CKAP5: variants seen among roughly 807,000 people sequenced by gnomAD.
The protein encoded by CKAP5 is cytoskeleton-associated protein 5.
A neutral mutation model predicts 232.8 loss-of-function variants in CKAP5; 27 were observed. The observed-to-expected ratio is 0.12, with a 90% confidence interval of 0.09 to 0.16. The LOEUF is 0.16. Among genes scored for constraint, CKAP5 ranks in the 10% least tolerant of loss-of-function variants. The probability of loss-of-function intolerance (pLI) is 1.00; values close to 1 mark genes in which losing one functional copy is unlikely to be tolerated. For missense variants in CKAP5, 1,838 were observed against 2,424.7 expected (o/e 0.76, Z 5.08); for synonymous variants, 785 against 841.1 (o/e 0.93, Z 1.16).
rs140135081 is a variant in CKAP5 at position 46,759,189 on chromosome 11, C to T, written c.4568+80G>A. The stretch of plus-strand genomic sequence containing the variant: ...AATCAGTTCTAAAAAGTTTTAACTG[C>T]ACATTACAAAGGGCACATTTCACGT... On this transcript the variant is annotated intron_variant, in intron 34 of 43. Transcript: ENST00000529230. 4.6e-3 allele frequency: 6,996 copies of T among 1,520,878 alleles called. 23 individuals are homozygous for T. The highest frequency in any genetic ancestry group is 5.5e-3 in the Non-Finnish European group (6,202 of 1,120,638). 94.2% of individuals were successfully genotyped at this position (1,520,878 alleles called of 1,614,324 possible).
At position 46,778,230 on chromosome 11, in the gene CKAP5, C is replaced by G. The variant is rs141712160; in HGVS notation, c.2657G>C (p.Gly886Ala). Reference protein sequence around the residue: ...IRKEGLDEVAGIINDAKFIQP... With the variant: ...IRKEGLDEVAAIINDAKFIQP... ...GATAAATTTTGCGTCATTAATAATACCTGCCACTTCATCTAGGCCTTCTTT... is the reference window on the plus strand; with the variant it reads ...GATAAATTTTGCGTCATTAATAATAGCTGCCACTTCATCTAGGCCTTCTTT... Residue 886 changes from glycine to alanine, a missense_variant, in exon 22 of 44, where the codon GGT (glycine) becomes GCT (alanine). This residue lies in a region of CKAP5 where 767 missense variants were observed against 954.6 expected (regional missense o/e 0.80). Transcript: ENST00000529230. The G allele has an allele frequency of 1.4e-4, 224 of 1,613,672 alleles. No homozygotes were observed. The highest frequency in any genetic ancestry group is 1.8e-4 in the Non-Finnish European group (218 of 1,179,760).
intron 1 of CKAP5, among the ~76,000 whole-genome samples, chr11:46,824,918 AAAGAC>A (rs2134697159): frequency 6.6e-6 from 1 of 152,332 alleles, no homozygotes; most frequent in African/African-American, 2.4e-5. Flanking sequence ...AGTCCCTAGT[AAAGAC>A]ACATATTCAG....
intron 1 of CKAP5, among the ~76,000 whole-genome samples, chr11:46,826,434 G>A (rs948872305): frequency 6.6e-6 from 1 of 152,114 alleles, no homozygotes; most frequent in African/African-American, 2.4e-5. Flanking sequence ...AAGGCCCAGA[G>A]AGAGAGATTC....
chr11:46,763,084 C>G lies in CKAP5; in HGVS notation c.3783G>C (p.Leu1261=). 1 of 1,613,556 alleles carries G rather than the reference C, an allele frequency of 6.2e-7. No individual in the cohort carries two copies. Among genetic ancestry groups the G allele is most frequent in the Non-Finnish European group, 8.5e-7 (1 of 1,179,524 alleles). ...LRFFDTNTSV[L]MKALEYLKLL... is the part of the protein sequence containing the mutation. ...ATTTTAAATATTCTAGTGCTTTCAT[C>G]AGGACGCTTGTATTGGTGTCAAAAA... The change falls in exon 30 of 44, where the codon CTG becomes CTC. Residue 1261 remains leucine (L), a synonymous_variant. Transcript: ENST00000529230.
intron 4 of CKAP5, 40 bp from the exon 5 acceptor site, chr11:46,811,218 T>C (rs771777314): frequency 2.0e-6 from 3 of 1,498,354 alleles, no homozygotes; most frequent in East Asian, 2.3e-5. Context: ...CAACGTGCAA[T>C]GCAATTAAAT....
chr11:46,837,611 C>T (rs1009896104), intron 1 of CKAP5, among the ~76,000 whole-genome samples: 3 of 151,976 alleles, frequency 2.0e-5, no homozygotes, highest in Non-Finnish European at 4.4e-5. Flanking sequence ...AAGAAATACA[C>T]AAGATGAGCC....
chr11:46,763,263 T>C (rs1292988661), intron 29 of CKAP5, 84 bp from the exon 30 acceptor site: 4 of 1,203,704 alleles, frequency 3.3e-6, no homozygotes, highest in Admixed American at 2.3e-5. Context: ...TTAAATTTTA[T>C]TGGAGCCCAA....
At chr11:46,764,187 T>A (rs1305371430) in intron 28 of CKAP5, among the ~76,000 whole-genome samples, 2 of 152,160 alleles carry the variant, frequency 1.3e-5, no homozygotes, top group African/African-American at 2.4e-5. Context: ...CATATAACTA[T>A]ATAACATGGT....
Position 46,751,328 on chromosome 11 carries a change from G to A in CKAP5, c.5322+18C>T. 6.2e-7 allele frequency: 1 copy of A among 1,613,942 alleles called. No homozygotes were observed. Among genetic ancestry groups the A allele is most frequent in the Non-Finnish European group, 8.5e-7 (1 of 1,179,844 alleles). On this transcript the variant is annotated intron_variant, in intron 39 of 43. Transcript: ENST00000529230. Reference sequence around the variant, plus strand: ...TTCTCTCAAGCTCCCTCAGAGACCAGTTGCGATTCTTACTCACCTTGGGCC... The same window carrying A: ...TTCTCTCAAGCTCCCTCAGAGACCAATTGCGATTCTTACTCACCTTGGGCC...
At chr11:46,839,163 C>G (rs749770921) in intron 1 of CKAP5, among the ~76,000 whole-genome samples, 35 of 152,180 alleles carry the variant, frequency 2.3e-4, no homozygotes, top group Middle Eastern at 6.8e-3. Context: ...TAAAAGTGAC[C>G]AAGAGGGCTC....
In CKAP5 at chr11:46,758,801, C is replaced by T. The variant is rs180989323; in HGVS notation, c.4689+122G>A. ...AGTGGCACCTGTGCATTTCTTTCCT[C>T]GGGAAAGTATGAAACACTGCCTGCA... On this transcript the variant is annotated intron_variant, in intron 35 of 43. Transcript: ENST00000529230. 3.9e-4 allele frequency: 440 copies of T among 1,120,918 alleles called. 5 individuals carry two copies. The South Asian group carries it at 4.9e-3, about 12-fold the overall frequency. 69.4% of individuals were successfully genotyped at this position (1,120,918 alleles called of 1,614,324 possible).
chr11:46,840,210 T>A (rs1444791633), intron 1 of CKAP5, among the ~76,000 whole-genome samples: 1 of 152,182 alleles, frequency 6.6e-6, no homozygotes. Flanking sequence ...AGTAAAAGTA[T>A]CTGGGCATGT....
chr11:46,791,690 T>C (rs1938727818), intron 13 of CKAP5, among the ~76,000 whole-genome samples: 2 of 151,968 alleles, frequency 1.3e-5, no homozygotes. Context: ...AATAAATTCA[T>C]TCCACTCCAG....
Position 46,769,963 on chromosome 11 carries a change from C to T in CKAP5, c.3322G>A (p.Ala1108Thr). ...SAPAKFQPAS[A>T]PAEDCISSST... is the part of the protein sequence containing the mutation. ...TTTAACCTTCTTAAGATAGAGTTAC[C>T]TGATGCAGGCTGGAATTTGGCTGGA... The change falls in exon 26 of 44, where the codon GCA (alanine) becomes ACA (threonine). Residue 1108 changes from alanine to threonine, a missense_variant and splice_region_variant. Coordinates refer to ENST00000529230, the MANE Select transcript of CKAP5 (RefSeq NM_001008938.4). The T allele has an allele frequency of 1.2e-6, 2 of 1,614,016 alleles. No individual in the cohort carries two copies. Among genetic ancestry groups the T allele is most frequent in the Non-Finnish European group, 1.7e-6 (2 of 1,179,988 alleles).
In CKAP5 at chr11:46,744,095, G is replaced by A; in HGVS notation, c.6027C>T (p.Thr2009=). 6.2e-7 allele frequency: 1 copy of A among 1,613,952 alleles called. No individual in the cohort carries two copies. Among genetic ancestry groups the A allele is most frequent in the Non-Finnish European group, 8.5e-7 (1 of 1,179,986 alleles). The change falls in exon 44 of 44, where the codon ACC becomes ACT. Residue 2009 remains threonine, a synonymous_variant. Coordinates refer to ENST00000529230, the MANE Select transcript of CKAP5 (RefSeq NM_001008938.4). ...CTATGTTAGCTGTGGAGGAGGAGGA[G>A]GTCACAGTTCCTGAAGAGTGAGTCT... ...SNQTHSSGTV[T]SSSSTANIDD...
Position 46,753,341 on chromosome 11 carries a change from G to A in CKAP5, c.5026C>T (p.Leu1676=). Residue 1676 remains leucine, a synonymous_variant, in exon 37 of 44, where the codon CTG becomes TTG. Coordinates refer to ENST00000529230, the MANE Select transcript of CKAP5 (RefSeq NM_001008938.4). ...RSVNLLVVKV[L]EKSDQTNILS... is the part of the protein sequence containing the mutation. ...ATGTTGGTCTGGTCTGACTTCTCCA[G>A]AACCTTCACCACCAAGAGGTTCACA... The A allele has an allele frequency of 1.2e-6, 2 of 1,612,852 alleles. No individual in the cohort carries two copies. Among genetic ancestry groups the A allele is most frequent in the Non-Finnish European group, 1.7e-6 (2 of 1,179,596 alleles).
intron 42 of CKAP5, among the ~76,000 whole-genome samples, chr11:46,747,375 G>A (rs1049001595): frequency 6.6e-6 from 1 of 152,092 alleles, no homozygotes; most frequent in African/African-American, 2.4e-5. Context: ...GCCAAGGCAG[G>A]TGGATCAACT....
At chr11:46,820,360 T>C (rs573525012) in intron 2 of CKAP5, among the ~76,000 whole-genome samples, 38 of 152,260 alleles carry the variant, frequency 2.5e-4, no homozygotes, top group Non-Finnish European at 4.3e-4. Flanking sequence ...GTGGAGGATA[T>C]AGGGACCATG....
chr11:46,777,573 C>T, intron 22 of CKAP5, 21 bp from the exon 23 acceptor site: 2 of 1,508,432 alleles, frequency 1.3e-6, no homozygotes, highest in Non-Finnish European at 1.8e-6. Flanking sequence ...AGAGCCAATA[C>T]TTTATGTTGA....
Sources: gnomAD v4.1 joint callset for allele counts (sites outside exome capture counted in the v4.1 genomes callset) on GRCh38, gnomAD v4.1.1 for gene constraint, gnomAD v4.1.1 regional missense constraint, MANE v1.5 for transcripts, NCBI Gene and HGNC (gene_info 2026-07-23, HGNC 2026-07-21) for gene names.